Variants in CTNNA3 observed in about 807,000 individuals in gnomAD.
CTNNA3 encodes catenin alpha 3.
In CTNNA3, 76 loss-of-function variants were observed where a neutral mutation model predicts 95.7. The observed-to-expected ratio is 0.79, with a 90% CI of 0.66 to 0.96. The LOEUF (loss-of-function observed/expected upper bound fraction) is 0.96. Ranked by LOEUF, CTNNA3 falls within the 40% of genes least tolerant of loss-of-function variation. The pLI is 0.00. For synonymous variants in CTNNA3, 431 were observed against 374.4 expected (o/e 1.15, Z -1.74); for missense variants, 1,191 against 1,089.8 (o/e 1.09, Z -1.31).
intron 12 of CTNNA3, among the ~76,000 whole-genome samples, chr10:66,329,104 TCA>T (rs539473802): frequency 1.3e-3 from 203 of 151,116 alleles, no homozygotes; most frequent in African/African-American, 4.7e-3. Flanking sequence ...GTGTGTGCCA[TCA>T]CACTCTGCTA....
intron 5 of CTNNA3, among the ~76,000 whole-genome samples, chr10:67,226,852 C>T (rs1462929097): frequency 2.6e-5 from 4 of 152,062 alleles, no homozygotes; most frequent in African/African-American, 4.8e-5. Flanking sequence ...AGTACATAGA[C>T]AACAAAGAGC....
intron 11 of CTNNA3, among the ~76,000 whole-genome samples, chr10:66,394,822 T>A (rs987426431): frequency 1.9e-4 from 29 of 152,030 alleles, no homozygotes; most frequent in African/African-American, 7.0e-4. Context: ...TCTGTGCTTT[T>A]GGACACAGAA....
intron 2 of CTNNA3, among the ~76,000 whole-genome samples, chr10:67,646,090 T>C (rs1051614253): frequency 6.6e-6 from 1 of 150,612 alleles, no homozygotes; most frequent in Non-Finnish European, 1.5e-5. Flanking sequence ...TATCTCTTGG[T>C]AAAATTATGA....
intron 11 of CTNNA3, among the ~76,000 whole-genome samples, chr10:66,510,987 C>T (rs1386055800): frequency 1.3e-5 from 2 of 151,784 alleles, no homozygotes; most frequent in African/African-American, 2.4e-5. Context: ...TAAAAGTTTG[C>T]TAGAATTCAT....
At chr10:66,691,560 A>T (rs1847539432) in intron 9 of CTNNA3, among the ~76,000 whole-genome samples, 1 of 152,174 alleles carries the variant, frequency 6.6e-6, no homozygotes, top group African/African-American at 2.4e-5. Flanking sequence ...GACAGCAGTA[A>T]CCTCTGCAGA....
chr10:65,979,406 T>A (rs1369898510), intron 16 of CTNNA3, among the ~76,000 whole-genome samples: 5 of 152,134 alleles, frequency 3.3e-5, no homozygotes, highest in African/African-American at 1.2e-4. Context: ...ACCCTCTCCC[T>A]CATGCCTGAA....
chr10:67,705,104 T>C (rs1208339711), intron 1 of CTNNA3, among the ~76,000 whole-genome samples: 10 of 151,748 alleles, frequency 6.6e-5, no homozygotes, highest in East Asian at 1.9e-4. Context: ...GTTAGAATGG[T>C]GATCATTAAA....
At chr10:66,209,987 C>T (rs2088028091) in intron 13 of CTNNA3, among the ~76,000 whole-genome samples, 2 of 152,092 alleles carry the variant, frequency 1.3e-5, no homozygotes, top group South Asian at 4.1e-4. Flanking sequence ...GAAGGCTTTA[C>T]TCTGACTTGG....
intron 3 of CTNNA3, among the ~76,000 whole-genome samples, chr10:67,545,075 TTTTTTATTATTATAC>T (rs1490002578): frequency 2.6e-5 from 4 of 151,428 alleles, no homozygotes; most frequent in Admixed American, 2.6e-4. Context: ...TAATCTGTGT[TTTTTTATTATTATAC>T]TTTAAGTTCT....
At chr10:67,584,028 T>G (rs1417307294) in intron 3 of CTNNA3, among the ~76,000 whole-genome samples, 1 of 152,176 alleles carries the variant, frequency 6.6e-6, no homozygotes, top group Non-Finnish European at 1.5e-5. Flanking sequence ...CTTGGAGAAG[T>G]TTGTTATTCC....
At chr10:66,576,389 G>A (rs1843003381) in intron 10 of CTNNA3, among the ~76,000 whole-genome samples, 1 of 151,988 alleles carries the variant, frequency 6.6e-6, no homozygotes, top group Admixed American at 6.6e-5. Flanking sequence ...TGGGCAAATT[G>A]CGTGTCACTA....
intron 7 of CTNNA3, among the ~76,000 whole-genome samples, chr10:67,102,548 G>C (rs1411480569): frequency 6.6e-6 from 1 of 151,620 alleles, no homozygotes; most frequent in East Asian, 1.9e-4. Flanking sequence ...CAACCATCTA[G>C]GACTTAGGCT....
At chr10:66,940,458 A>G (rs962450309) in intron 7 of CTNNA3, among the ~76,000 whole-genome samples, 6 of 152,208 alleles carry the variant, frequency 3.9e-5, no homozygotes, top group African/African-American at 1.4e-4. Flanking sequence ...TGAGCAACAG[A>G]GCAAGATCAT....
chr10:67,002,449 T>C (rs1303906109), intron 7 of CTNNA3, among the ~76,000 whole-genome samples: 1 of 152,186 alleles, frequency 6.6e-6, no homozygotes, highest in African/African-American at 2.4e-5. Context: ...TTCTACAAGG[T>C]TGAATCTAAA....
chr10:66,478,136 T>TC (rs1839391027), intron 11 of CTNNA3, among the ~76,000 whole-genome samples: 1 of 152,140 alleles, frequency 6.6e-6, no homozygotes, highest in Non-Finnish European at 1.5e-5. Context: ...ACTTTTATTC[T>TC]TTGTTCTATG....
intron 15 of CTNNA3, among the ~76,000 whole-genome samples, chr10:66,000,812 G>A (rs368583269): frequency 7.5e-4 from 114 of 152,190 alleles, no homozygotes; most frequent in Non-Finnish European, 1.1e-3. Context: ...GCAAACTGAC[G>A]AACAGACAAG....
At chr10:66,921,027 A>G (rs2132599829) in intron 7 of CTNNA3, among the ~76,000 whole-genome samples, 1 of 152,300 alleles carries the variant, frequency 6.6e-6, no homozygotes, top group Non-Finnish European at 1.5e-5. Flanking sequence ...TTCTATAAAC[A>G]AAAATACTAT....
At chr10:65,951,891 G>A (rs1195298851) in intron 17 of CTNNA3, among the ~76,000 whole-genome samples, 1 of 152,044 alleles carries the variant, frequency 6.6e-6, no homozygotes, top group Non-Finnish European at 1.5e-5. Flanking sequence ...TTAGCCGGGC[G>A]TGATGGCGGG....
At chr10:65,936,524 G>A (rs151067600) in intron 17 of CTNNA3, among the ~76,000 whole-genome samples, 13 of 152,030 alleles carry the variant, frequency 8.6e-5, no homozygotes, top group Middle Eastern at 3.4e-3. Flanking sequence ...ACATTCATAC[G>A]CTGAAGAATT....
Sources: allele counts gnomAD v4.1 joint callset (sites outside exome capture counted in the v4.1 genomes callset), GRCh38; gene constraint gnomAD v4.1.1; transcripts MANE v1.5; gene names NCBI Gene and HGNC (gene_info 2026-07-23, HGNC 2026-07-21).